GABRG2: variants seen among roughly 807,000 people sequenced by gnomAD.
The protein encoded by GABRG2 is gamma-aminobutyric acid receptor subunit gamma-2.
In GABRG2, 16 loss-of-function variants were observed where a neutral mutation model predicts 56.4. The ratio of observed to expected loss-of-function variants is 0.28; its 90% CI spans 0.19 to 0.43. GABRG2 has a LOEUF of 0.43. Among genes scored for constraint, GABRG2 ranks in the 20% least tolerant of loss-of-function variants. GABRG2 has a pLI of 1.00. For missense variants in GABRG2, 327 were observed against 582.7 expected, an observed-to-expected ratio of 0.56 and a Z score of 4.52; for synonymous variants, 208 against 205.5, an observed-to-expected ratio of 1.01 and a Z score of -0.10.
At chr5:162,125,873 G>C (rs755571786) in intron 6 of GABRG2, among the ~76,000 whole-genome samples, 4 of 151,932 alleles carry the variant, frequency 2.6e-5, no homozygotes, top group Admixed American at 1.3e-4. Context: ...TAGAGTATAA[G>C]AGTATAAGAG....
intron 6 of GABRG2, among the ~76,000 whole-genome samples, chr5:162,126,445 G>C (rs1307867958): frequency 1.3e-5 from 2 of 151,902 alleles, no homozygotes; most frequent in Non-Finnish European, 2.9e-5. Flanking sequence ...ATTGTGGGGG[G>C]ATGGAATTAT....
chr5:162,145,638 T>G (rs559764643), intron 7 of GABRG2, among the ~76,000 whole-genome samples: 176 of 152,340 alleles, frequency 1.2e-3, no homozygotes, highest in Non-Finnish European at 2.2e-3. Context: ...TGAATGCCTA[T>G]GTAGCCTAAA....
At chr5:162,132,313 G>A (rs1763812269) in intron 6 of GABRG2, among the ~76,000 whole-genome samples, 1 of 151,960 alleles carries the variant, frequency 6.6e-6, no homozygotes, top group Non-Finnish European at 1.5e-5. Flanking sequence ...GATGGAAAAA[G>A]TTGTTCCCCG....
chr5:162,115,130 A>T (rs960976342), intron 6 of GABRG2, among the ~76,000 whole-genome samples: 1 of 152,154 alleles, frequency 6.6e-6, no homozygotes, highest in African/African-American at 2.4e-5. Flanking sequence ...AGCTCTGCAT[A>T]CCCTATGATT....
rs1257556768 is a variant in GABRG2 at position 162,153,367 on chromosome 5, G to A, written c.1427G>A (p.Ter476=). The A allele has an allele frequency of 6.2e-7, 1 of 1,613,910 alleles. No homozygotes were observed. Among genetic ancestry groups the A allele is most frequent in the South Asian group, 1.1e-5 (1 of 91,086 alleles). The part of the protein sequence containing the change: ...LVYWVSYLYL[*] ...TATTGGGTCTCCTACCTCTACCTGT[G>A]AGGAGGTATGGGTTTTACTGATATG... The change falls in exon 10 of 10, where the codon TGA becomes TAA. Residue 476 remains the stop codon, a stop_retained_variant. Coordinates refer to ENST00000639213, the MANE Select transcript of GABRG2 (RefSeq NM_198904.4).
chr5:162,073,954 G>A (rs574811593), intron 1 of GABRG2, among the ~76,000 whole-genome samples: 1 of 151,768 alleles, frequency 6.6e-6, no homozygotes, highest in East Asian at 1.9e-4. Context: ...AATTCATAGC[G>A]CAATACATCA....
chr5:162,116,686 T>A (rs1328461891), intron 6 of GABRG2, among the ~76,000 whole-genome samples: 1 of 151,898 alleles, frequency 6.6e-6, no homozygotes, highest in Non-Finnish European at 1.5e-5. Context: ...CAATTAACAA[T>A]AGTATAATCC....
Position 162,110,416 on chromosome 5 carries a change from T to C in GABRG2, c.769+6390T>C, listed in dbSNP as rs186010499. Among the ~76,000 whole-genome samples, 65 of 152,262 alleles carry C rather than the reference T, an allele frequency of 4.3e-4. 2 individuals are homozygous for C. In the South Asian group the frequency reaches 0.012, roughly 29 times the overall value. ...AATACCAAGTTCAAGTCCAACCTTC[T>C]CTGTCTACATCAATGTTTACATATG... On this transcript the variant is annotated intron_variant, in intron 6 of 9. Transcript: ENST00000639213.
intron 1 of GABRG2, among the ~76,000 whole-genome samples, chr5:162,085,569 T>TA (rs1760020306): frequency 1.3e-5 from 2 of 149,646 alleles, no homozygotes; most frequent in Non-Finnish European, 3.0e-5. Flanking sequence ...TTTTTTTTTT[T>TA]ACTTTTTTTT....
intron 6 of GABRG2, among the ~76,000 whole-genome samples, chr5:162,125,280 T>A (rs1763255310): frequency 6.6e-6 from 1 of 151,760 alleles, no homozygotes; most frequent in Non-Finnish European, 1.5e-5. Context: ...TTGGTGCGAG[T>A]GTTCTTTTTA....
chr5:162,122,593 T>G (rs1441658807), intron 6 of GABRG2, among the ~76,000 whole-genome samples: 1 of 151,758 alleles, frequency 6.6e-6, no homozygotes, highest in Admixed American at 6.6e-5. Context: ...ATGTTTTTTA[T>G]CTTCATGACA....
intron 1 of GABRG2, among the ~76,000 whole-genome samples, chr5:162,081,217 T>C (rs564589370): frequency 6.6e-6 from 1 of 151,980 alleles, no homozygotes; most frequent in Non-Finnish European, 1.5e-5. Context: ...CCCAAAAAAT[T>C]TTTTAAAATT....
chr5:162,139,151 T>C (rs1451891472), intron 6 of GABRG2, among the ~76,000 whole-genome samples: 1 of 152,198 alleles, frequency 6.6e-6, no homozygotes, highest in Non-Finnish European at 1.5e-5. Flanking sequence ...CTATAAACTC[T>C]AAATTAAGAC....
At position 162,068,124 on chromosome 5, in the gene GABRG2, T is replaced by C; in HGVS notation, c.107+18T>C. 6.3e-7 allele frequency: 1 copy of C among 1,587,654 alleles called. No homozygotes were observed. The highest frequency in any genetic ancestry group is 1.1e-5 in the South Asian group (1 of 90,474). On this transcript the variant is annotated intron_variant, in intron 1 of 9. Transcript: ENST00000639213. ...TACCCTGGGTAAGATGTGCCCTTTT[T>C]GGCGTCGTTTTGTTCTGAAGAGGTG...
intron 4 of GABRG2, chr5:162,099,764 A>C (rs1244482565): frequency 6.6e-6 from 1 of 152,192 alleles, no homozygotes; most frequent in Non-Finnish European, 1.5e-5. Context: ...AAGTGTCACT[A>C]ATGGAGATTC....
intron 1 of GABRG2, among the ~76,000 whole-genome samples, chr5:162,076,265 C>T (rs764067924): frequency 3.9e-4 from 60 of 152,176 alleles, no homozygotes; most frequent in Non-Finnish European, 7.1e-4. Context: ...TTTTGTTACT[C>T]TTATTGTTAT....
At chr5:162,087,358 A>G (rs553342518) in intron 1 of GABRG2, among the ~76,000 whole-genome samples, 1 of 151,982 alleles carries the variant, frequency 6.6e-6, no homozygotes, top group African/African-American at 2.4e-5. Flanking sequence ...AAGGTTAAAT[A>G]TTTATCATTT....
intron 6 of GABRG2, among the ~76,000 whole-genome samples, chr5:162,133,780 C>T (rs532903971): frequency 6.6e-6 from 1 of 152,132 alleles, no homozygotes; most frequent in African/African-American, 2.4e-5. Context: ...AGGCAGAAAA[C>T]TGGGATATCA....
At chr5:162,099,255 A>C (rs2113340235) in intron 4 of GABRG2, 1 of 151,902 alleles carries the variant, frequency 6.6e-6, no homozygotes, top group Admixed American at 6.6e-5. Flanking sequence ...GTAATGACTG[A>C]GTTTATTTTT....
Sources: allele counts gnomAD v4.1 joint callset (sites outside exome capture counted in the v4.1 genomes callset), GRCh38; gene constraint gnomAD v4.1.1; transcripts MANE v1.5; gene names NCBI Gene and HGNC (gene_info 2026-07-23, HGNC 2026-07-21).